The following TSHR variants were observed in gnomAD, a reference collection of about 807,000 sequenced individuals.
TSHR encodes the protein thyroid stimulating hormone receptor, also known as thyrotropin receptor.
In TSHR, 51 loss-of-function variants were observed where a neutral mutation model predicts 64.1. The observed-to-expected ratio is 0.80, with a 90% confidence interval of 0.64 to 1.01. The LOEUF (loss-of-function observed/expected upper bound fraction) is 1.01. Ranked by LOEUF, TSHR falls within the 50% of genes least tolerant of loss-of-function variation. TSHR has a pLI of 0.00. For synonymous variants in TSHR, 361 were observed against 361.9 expected (o/e 1.00, Z 0.03); for missense variants, 877 against 942.8 (o/e 0.93, Z 0.91).
chr14:81,115,987 T>C (rs1481439272), intron 8 of TSHR, among the ~76,000 whole-genome samples: 6 of 151,300 alleles, frequency 4.0e-5, no homozygotes, highest in African/African-American at 1.5e-4. Flanking sequence ...TGCTGAGAGA[T>C]TTTCTCACCA....
rs550062531 is a variant in TSHR at position 81,043,512 on chromosome 14, A to G, written c.171-18636A>G. 2.6e-5 allele frequency among the ~76,000 whole-genome samples: 4 copies of G among 152,366 alleles called. No individual in the cohort carries two copies. The East Asian group carries it at 7.7e-4, about 29-fold the overall frequency. ...TATTGTGAAAATGGTCATACTGCCCAAAGTAATTTATAGATTCAATGCTAT... is the reference window on the plus strand; with the variant it reads ...TATTGTGAAAATGGTCATACTGCCCGAAGTAATTTATAGATTCAATGCTAT... On this transcript the variant is annotated intron_variant, in intron 1 of 9. Coordinates refer to ENST00000298171, the MANE Select transcript of TSHR (RefSeq NM_000369.5).
In TSHR at chr14:80,958,989, C is replaced by T. The variant is rs1348694832; in HGVS notation, c.170+3139C>T. Among the ~76,000 whole-genome samples the T allele has an allele frequency of 5.9e-5, 9 of 152,080 alleles. 1 individual carries two copies. Among genetic ancestry groups the T allele is most frequent in the African/African-American group, 2.2e-4 (9 of 41,380 alleles). Reference sequence around the variant, plus strand: ...GACATTTTACAAATTATGATGGTGCCGAGAACAACTCTTTCTAAACTTTAT... The same window carrying T: ...GACATTTTACAAATTATGATGGTGCTGAGAACAACTCTTTCTAAACTTTAT... On this transcript the variant is annotated intron_variant, in intron 1 of 9. Coordinates refer to ENST00000298171, the MANE Select transcript of TSHR (RefSeq NM_000369.5).
chr14:81,068,676 C>G (rs1459852396), intron 3 of TSHR, among the ~76,000 whole-genome samples: 2 of 152,162 alleles, frequency 1.3e-5, no homozygotes, highest in African/African-American at 4.8e-5. Flanking sequence ...TTCTACAAAG[C>G]TGGCATATTT....
At chr14:81,088,891 G>C (rs1176229701) in intron 4 of TSHR, among the ~76,000 whole-genome samples, 1 of 152,120 alleles carries the variant, frequency 6.6e-6, no homozygotes, top group East Asian at 1.9e-4. Context: ...AACAAGAATG[G>C]GGAGATAGAA....
intron 1 of TSHR, among the ~76,000 whole-genome samples, chr14:81,046,033 T>C (rs1885153240): frequency 6.6e-6 from 1 of 152,204 alleles, no homozygotes; most frequent in Admixed American, 6.5e-5. Flanking sequence ...GGAACTTTGC[T>C]GCAAGGCTTC....
chr14:81,104,323 C>A (rs1889760227), intron 7 of TSHR: 1 of 985,270 alleles, frequency 1.0e-6, no homozygotes, highest in Non-Finnish European at 1.2e-6. Flanking sequence ...AGAAGTGTTC[C>A]CATGAGAGTC....
chr14:81,131,852 T>A (rs929669761), intron 8 of TSHR, among the ~76,000 whole-genome samples: 2 of 152,156 alleles, frequency 1.3e-5, no homozygotes, highest in African/African-American at 4.8e-5. Context: ...TTCACTTTTT[T>A]AAGAAAAAAT....
At chr14:81,057,260 A>G (rs1317658193) in intron 1 of TSHR, among the ~76,000 whole-genome samples, 1 of 152,018 alleles carries the variant, frequency 6.6e-6, no homozygotes, top group African/African-American at 2.4e-5. Flanking sequence ...AAAAAACAAA[A>G]ATTAGCTGGG....
rs1889695921 is a variant in TSHR at position 81,103,242 on chromosome 14, C to T, written c.615-5133C>T. ...AGGGATGTTGCTTTTGGTGTCAATG[C>T]TAATTAAGATTTTAAACTAAGGCAA... On this transcript the variant is annotated intron_variant, in intron 7 of 9. Transcript: ENST00000298171. This position sits in a 1 kb window ranked among gnomAD's most constrained non-coding sequence, Gnocchi z 4.1. 14 of 985,350 alleles carry T rather than the reference C, an allele frequency of 1.4e-5. No individual in the cohort carries two copies. Among genetic ancestry groups the T allele is most frequent in the Non-Finnish European group, 1.7e-5 (14 of 829,888 alleles). The allele number at this position is 985,350 out of a possible 1,614,324, so 61.0% of individuals were successfully genotyped here.
At chr14:80,965,322 G>A (rs1281216966) in intron 1 of TSHR, among the ~76,000 whole-genome samples, 1 of 152,196 alleles carries the variant, frequency 6.6e-6, no homozygotes, top group African/African-American at 2.4e-5. Context: ...AGAGCCTCCA[G>A]TGGTATAGTG....
chr14:81,034,053 A>G (rs28448639), intron 1 of TSHR, among the ~76,000 whole-genome samples: 36,271 of 152,086 alleles, frequency 0.24, 4,411 homozygotes, highest in South Asian at 0.32. Flanking sequence ...CTTCCTCTTT[A>G]GAAGTAGGAA....
At chr14:81,106,368 TAA>T (rs1421925059) in intron 7 of TSHR, among the ~76,000 whole-genome samples, 2 of 152,244 alleles carry the variant, frequency 1.3e-5, no homozygotes, top group Non-Finnish European at 2.9e-5. Context: ...TGTGTCACCC[TAA>T]GAGTTTAACA....
chr14:81,139,767 A>C lies in TSHR; in HGVS notation c.781A>C (p.Lys261Gln), dbSNP rs1891605681. 1 of 1,614,102 alleles carries C rather than the reference A, an allele frequency of 6.2e-7. No homozygotes were observed. Among genetic ancestry groups the C allele is most frequent in the African/African-American group, 1.3e-5 (1 of 74,932 alleles). ...GATAGCAAGAAACACCTGGACTCTT[A>C]AGAAACTTCCACTTTCCTTGAGTTT... ...ELIARNTWTL[K>Q]KLPLSLSFLH... is the part of the protein sequence containing the mutation. Residue 261 changes from lysine (K) to glutamine (Q), a missense_variant, in exon 9 of 10, where the codon AAG becomes CAG. Lys to Gln is a moderately conservative substitution (Grantham distance 53). Transcript: ENST00000298171.
At chr14:80,962,330 A>T (rs1208818514) in intron 1 of TSHR, among the ~76,000 whole-genome samples, 1 of 146,234 alleles carries the variant, frequency 6.8e-6, no homozygotes, top group African/African-American at 2.5e-5. Flanking sequence ...TGAGTGGCTT[A>T]AAACAACAGA....
At chr14:80,997,197 T>C (rs1391205510) in intron 1 of TSHR, among the ~76,000 whole-genome samples, 2 of 152,326 alleles carry the variant, frequency 1.3e-5, no homozygotes, top group East Asian at 3.9e-4. Flanking sequence ...TGGAAGAAGG[T>C]GTCTCTGATT....
At chr14:80,990,898 A>G (rs1403522467) in intron 1 of TSHR, among the ~76,000 whole-genome samples, 1 of 152,086 alleles carries the variant, frequency 6.6e-6, no homozygotes, top group Non-Finnish European at 1.5e-5. Flanking sequence ...CAGGTGATCC[A>G]CCCACCTCGG....
At chr14:81,022,723 A>G (rs894893052) in intron 1 of TSHR, among the ~76,000 whole-genome samples, 4 of 152,190 alleles carry the variant, frequency 2.6e-5, no homozygotes, top group Admixed American at 6.5e-5. Context: ...TGGGAGGCTG[A>G]GGCACAAGAA....
intron 1 of TSHR, among the ~76,000 whole-genome samples, chr14:81,000,897 C>CATTCT (rs1889274066): frequency 6.6e-6 from 1 of 152,174 alleles, no homozygotes; most frequent in Non-Finnish European, 1.5e-5. Context: ...ATCTCTCTCC[C>CATTCT]ATTCTGTCTC....
intron 1 of TSHR, among the ~76,000 whole-genome samples, chr14:81,010,876 T>C (rs1237940295): frequency 6.6e-6 from 1 of 152,154 alleles, no homozygotes; most frequent in Non-Finnish European, 1.5e-5. Context: ...ACCCCAACTA[T>C]CTTAAACTGA....
Sources: allele counts gnomAD v4.1 joint callset (sites outside exome capture counted in the v4.1 genomes callset), GRCh38; gene constraint gnomAD v4.1.1; non-coding constraint Gnocchi (gnomAD v3.1); transcripts MANE v1.5; gene names NCBI Gene and HGNC (gene_info 2026-07-23, HGNC 2026-07-21).